Variants in RSU1 observed in about 807,000 individuals in gnomAD.
RSU1 encodes Ras suppressor protein 1, also known as rsu-1.
RSU1 carries 26 observed loss-of-function variants against 31.1 expected under a neutral mutation model. The ratio of observed to expected loss-of-function variants is 0.84; its 90% confidence interval spans 0.61 to 1.16. RSU1 has a LOEUF of 1.16. Among genes scored for constraint, RSU1 ranks in the 50% most tolerant of loss-of-function variants. RSU1 has a pLI of 0.00. For synonymous variants in RSU1, 164 were observed against 136.3 expected, an observed-to-expected ratio of 1.20 and a Z score of -1.41; for missense variants, 320 against 339.1, an observed-to-expected ratio of 0.94 and a Z score of 0.44.
At chr10:16,701,252 CTTTAA>C (rs1044960015) in intron 7 of RSU1, among the ~76,000 whole-genome samples, 21 of 152,188 alleles carry the variant, frequency 1.4e-4, no homozygotes, top group African/African-American at 4.8e-4. Flanking sequence ...AAACAGTATC[CTTTAA>C]TTTAAGTATA....
At chr10:16,789,645 C>T (rs527984696) in intron 2 of RSU1, among the ~76,000 whole-genome samples, 1 of 152,288 alleles carries the variant, frequency 6.6e-6, no homozygotes, top group African/African-American at 2.4e-5. Flanking sequence ...CCCCGTTGAA[C>T]GTGTCGGGAA....
intron 8 of RSU1, among the ~76,000 whole-genome samples, chr10:16,691,230 T>C (rs1445086934): frequency 6.6e-6 from 1 of 152,102 alleles, no homozygotes; most frequent in Non-Finnish European, 1.5e-5. Flanking sequence ...AATTATGAAA[T>C]GGCTGCTTCA....
At chr10:16,771,548 A>G (rs963577286) in intron 3 of RSU1, among the ~76,000 whole-genome samples, 1 of 152,208 alleles carries the variant, frequency 6.6e-6, no homozygotes, top group African/African-American at 2.4e-5. Flanking sequence ...TTATACATAA[A>G]GAAGAATCTT....
intron 8 of RSU1, among the ~76,000 whole-genome samples, chr10:16,638,314 G>A (rs1388862318): frequency 2.0e-5 from 3 of 152,076 alleles, no homozygotes; most frequent in Non-Finnish European, 4.4e-5. Flanking sequence ...TCGCGCGCAT[G>A]TGTGTAGTAC....
chr10:16,639,763 T>G (rs976622578), intron 8 of RSU1, among the ~76,000 whole-genome samples: 6 of 152,216 alleles, frequency 3.9e-5, no homozygotes, highest in Non-Finnish European at 8.8e-5. Context: ...ATTGGCATCC[T>G]AAGAATTTGT....
At chr10:16,679,549 C>T (rs941267450) in intron 8 of RSU1, among the ~76,000 whole-genome samples, 2 of 152,198 alleles carry the variant, frequency 1.3e-5, no homozygotes, top group Non-Finnish European at 2.9e-5. Flanking sequence ...TCTGAGGAAG[C>T]GATATTTAAC....
chr10:16,627,417 C>T (rs775696474), intron 8 of RSU1, among the ~76,000 whole-genome samples: 3 of 152,130 alleles, frequency 2.0e-5, no homozygotes, highest in African/African-American at 4.8e-5. Context: ...AATGAAGGAT[C>T]TGAGAGGTTG....
chr10:16,665,039 G>A (rs1162217370), intron 8 of RSU1, among the ~76,000 whole-genome samples: 1 of 152,062 alleles, frequency 6.6e-6, no homozygotes, highest in African/African-American at 2.4e-5. Flanking sequence ...AGCCTCCCAG[G>A]TTTAAGCAAT....
At chr10:16,689,306 T>C (rs1441294869) in intron 8 of RSU1, among the ~76,000 whole-genome samples, 1 of 152,234 alleles carries the variant, frequency 6.6e-6, no homozygotes, top group Non-Finnish European at 1.5e-5. Flanking sequence ...AGAGATAATT[T>C]CCTACAGTGA....
At chr10:16,768,015 A>G (rs759523683) in intron 3 of RSU1, among the ~76,000 whole-genome samples, 2 of 152,240 alleles carry the variant, frequency 1.3e-5, no homozygotes, top group African/African-American at 4.8e-5. Flanking sequence ...AATTTTCTAG[A>G]TATCTACAGG....
chr10:16,767,529 G>C (rs1342092097), intron 3 of RSU1: 1 of 151,708 alleles, frequency 6.6e-6, no homozygotes, highest in Non-Finnish European at 1.5e-5. Flanking sequence ...TGAATTTTTC[G>C]TTTAAGACTC....
intron 8 of RSU1, among the ~76,000 whole-genome samples, chr10:16,594,081 A>T (rs949615506): frequency 1.3e-5 from 2 of 151,750 alleles, no homozygotes; most frequent in African/African-American, 4.9e-5. Context: ...CGTGGCTGAG[A>T]GGATTTAACT....
intron 7 of RSU1, among the ~76,000 whole-genome samples, chr10:16,712,175 A>G (rs1333705382): frequency 6.6e-6 from 1 of 152,076 alleles, no homozygotes; most frequent in Non-Finnish European, 1.5e-5. Context: ...TTCTGTTTGT[A>G]TGGAATATGT....
chr10:16,608,509 C>G (rs923156218), intron 8 of RSU1, among the ~76,000 whole-genome samples: 12 of 152,068 alleles, frequency 7.9e-5, no homozygotes, highest in African/African-American at 2.9e-4. Flanking sequence ...GTACCTTTTC[C>G]CACTTCCCTG....
intron 2 of RSU1, among the ~76,000 whole-genome samples, chr10:16,800,662 C>T (rs777667423): frequency 2.6e-5 from 4 of 152,016 alleles, no homozygotes; most frequent in Admixed American, 6.6e-5. Context: ...TGAATGATAC[C>T]GATTCTATAA....
chr10:16,624,309 C>T (rs1834120039), intron 8 of RSU1, among the ~76,000 whole-genome samples: 1 of 152,112 alleles, frequency 6.6e-6, no homozygotes, highest in African/African-American at 2.4e-5. Context: ...CATCCCAGCT[C>T]AATGCCAGTT....
intron 7 of RSU1, among the ~76,000 whole-genome samples, chr10:16,711,193 G>T (rs1483739214): frequency 1.3e-5 from 2 of 151,956 alleles, no homozygotes; most frequent in Non-Finnish European, 2.9e-5. Flanking sequence ...CAAATTTGTT[G>T]GCATATAGCA....
intron 8 of RSU1, among the ~76,000 whole-genome samples, chr10:16,619,547 G>A (rs145676574): frequency 5.3e-5 from 8 of 152,322 alleles, no homozygotes; most frequent in East Asian, 1.9e-4. Flanking sequence ...CCATCAGTAG[G>A]TATCTTCACT....
chr10:16,795,818 T>A (rs1838017649), intron 2 of RSU1, among the ~76,000 whole-genome samples: 1 of 152,144 alleles, frequency 6.6e-6, no homozygotes, highest in Non-Finnish European at 1.5e-5. Flanking sequence ...ATTGGGTGTA[T>A]CTTCAACCCC....
Sources: gnomAD v4.1 joint callset for allele counts (sites outside exome capture counted in the v4.1 genomes callset) on GRCh38, gnomAD v4.1.1 for gene constraint, MANE v1.5 for transcripts, NCBI Gene and HGNC (gene_info 2026-07-23, HGNC 2026-07-21) for gene names.